The following MIGA2 variants were observed in gnomAD, a reference collection of about 807,000 sequenced individuals.
The protein encoded by MIGA2 is mitoguardin 2, also known as family with sequence similarity 73, member B.
In MIGA2, 36 loss-of-function variants were observed where a neutral mutation model predicts 69.9. That is an observed-to-expected ratio of 0.52 (90% CI 0.39 to 0.68). MIGA2 has a LOEUF of 0.68. MIGA2 is among the 30% of genes least tolerant of loss of function. The pLI is 0.00. For missense variants in MIGA2, 660 were observed against 787.7 expected (o/e 0.84, Z 1.94); for synonymous variants, 333 against 349.2 (o/e 0.95, Z 0.52).
At chr9:129,064,369 G>C (rs1417790859) in intron 11 of MIGA2, among the ~76,000 whole-genome samples, 1 of 151,974 alleles carries the variant, frequency 6.6e-6, no homozygotes, top group Non-Finnish European at 1.5e-5. Flanking sequence ...ACCGTGCCCG[G>C]CTAATTTTTT....
At chr9:129,053,840 C>T (rs113234234) in intron 6 of MIGA2, among the ~76,000 whole-genome samples, 1 of 150,572 alleles carries the variant, frequency 6.6e-6, no homozygotes, top group African/African-American at 2.4e-5. Context: ...AAAATTTTTT[C>T]TTGAGACGGG....
chr9:129,062,529 C>CT (rs1401023269), intron 9 of MIGA2, among the ~76,000 whole-genome samples: 1 of 127,970 alleles, frequency 7.8e-6, no homozygotes, highest in East Asian at 2.3e-4. Flanking sequence ...GAGACTCCAT[C>CT]TCAAAAAAAA....
At chr9:129,048,252 G>A (rs1845335129) in intron 3 of MIGA2, among the ~76,000 whole-genome samples, 175 bp from the exon 4 acceptor site, 1 of 152,170 alleles carries the variant, frequency 6.6e-6, no homozygotes, top group Admixed American at 6.6e-5. Context: ...GGACATGGAG[G>A]GCCCCGCGCT....
chr9:129,069,149 G>C lies in MIGA2; in HGVS notation c.1458+20G>C, dbSNP rs370748222. The C allele has an allele frequency of 4.6e-5, 74 of 1,613,438 alleles. No homozygotes were observed. The East Asian group carries it at 1.2e-3, about 25-fold the overall frequency. On this transcript the variant is annotated intron_variant, in intron 14 of 15. Coordinates refer to ENST00000684074, the MANE Select transcript of MIGA2 (RefSeq NM_001329990.2). The surrounding 1 kb of genome is among the most constrained non-coding windows in gnomAD (Gnocchi z 4.9). ...CTGATGGTGAGTGACTGGCAGGCCC[G>C]GGGGAGCACGAGCTGGGCTCTGAGG...
chr9:129,062,556 A>T (rs1202472007), intron 9 of MIGA2, among the ~76,000 whole-genome samples: 1 of 150,346 alleles, frequency 6.7e-6, no homozygotes, highest in African/African-American at 2.5e-5. Flanking sequence ...AAAAGCAAAA[A>T]AACTGGGCCA....
chr9:129,042,654 AT>A, intron 3 of MIGA2, 140 bp downstream of exon 3: 2 of 862,036 alleles, frequency 2.3e-6, no homozygotes, highest in South Asian at 1.6e-5. Context: ...TGTGAGCGGG[AT>A]GACAGTAGCG....
chr9:129,067,438 T>A (rs1253127606), intron 11 of MIGA2: 1 of 290,908 alleles, frequency 3.4e-6, no homozygotes, highest in African/African-American at 2.2e-5. Context: ...CCTTTCCTGT[T>A]GAGGTCCAAG....
intron 1 of MIGA2, among the ~76,000 whole-genome samples, chr9:129,037,971 A>G (rs1215870451): frequency 1.3e-5 from 2 of 152,140 alleles, no homozygotes; most frequent in East Asian, 1.9e-4. Flanking sequence ...ACTGGACCCA[A>G]AGCCTGTCGT....
At position 129,042,248 on chromosome 9, in the gene MIGA2, C is replaced by T; in HGVS notation, c.97-56C>T. The T allele has an allele frequency of 5.1e-6, 8 of 1,579,110 alleles. No homozygotes were observed. In the South Asian group the frequency reaches 9.0e-5, roughly 18 times the overall value. On this transcript the variant is annotated intron_variant, in intron 2 of 15. Coordinates refer to ENST00000684074, the MANE Select transcript of MIGA2 (RefSeq NM_001329990.2). ...CCTGAGGTGCTCTGGGGCGGTCCTG[C>T]TGCCTTGGACCTTCCCCAGGGAGGT...
intron 11 of MIGA2, among the ~76,000 whole-genome samples, chr9:129,064,724 C>T (rs1478692485): frequency 6.6e-6 from 1 of 151,842 alleles, no homozygotes; most frequent in African/African-American, 2.4e-5. Context: ...ACCAGACTTG[C>T]TGCCTGATCT....
rs905082205 is a variant in MIGA2 at position 129,059,063 on chromosome 9, C to T, written c.676-91C>T. ...TAGCTGCTGGGTCCTAGAGCTCCTC[C>T]CCTTTCCCCAGGGACCTGGGGGTGA... On this transcript the variant is annotated intron_variant, in intron 6 of 15. Coordinates refer to ENST00000684074, the MANE Select transcript of MIGA2 (RefSeq NM_001329990.2). The surrounding 1 kb of genome is among the most constrained non-coding windows in gnomAD (Gnocchi z 5.6). 5.4e-5 allele frequency: 63 copies of T among 1,157,710 alleles called. No homozygotes were observed. Among genetic ancestry groups the T allele is most frequent in the Non-Finnish European group, 6.9e-5 (54 of 780,270 alleles). 71.7% of individuals were successfully genotyped at this position (1,157,710 alleles called of 1,614,324 possible).
chr9:129,052,789 C>G (rs1475569962), intron 6 of MIGA2, among the ~76,000 whole-genome samples: 1 of 152,082 alleles, frequency 6.6e-6, no homozygotes, highest in African/African-American at 2.4e-5. Flanking sequence ...GCTCTCTGTC[C>G]CTGCTGGGGC....
chr9:129,063,201 G>A, intron 9 of MIGA2, 43 bp from the exon 10 acceptor site: 1 of 1,609,872 alleles, frequency 6.2e-7, no homozygotes. Context: ...GGGCATCGCT[G>A]GGCAGGGACC....
intron 3 of MIGA2, among the ~76,000 whole-genome samples, chr9:129,042,907 G>T (rs866281195): frequency 6.6e-5 from 10 of 152,094 alleles, no homozygotes; most frequent in Admixed American, 3.3e-4. Context: ...TAAAAATTGA[G>T]GTTTAGGCCG....
chr9:129,053,702 T>C (rs1845663093), intron 6 of MIGA2, among the ~76,000 whole-genome samples: 2 of 152,152 alleles, frequency 1.3e-5, no homozygotes, highest in South Asian at 4.1e-4. Flanking sequence ...TATTGAAATA[T>C]AGGCTGGGCA....
At chr9:129,066,177 T>C (rs1846330426) in intron 11 of MIGA2, among the ~76,000 whole-genome samples, 1 of 152,152 alleles carries the variant, frequency 6.6e-6, no homozygotes, top group East Asian at 1.9e-4. Context: ...GAAGGCGGCT[T>C]GTCCAGGGTA....
chr9:129,046,889 C>T (rs1446212538), intron 3 of MIGA2, among the ~76,000 whole-genome samples: 1 of 152,088 alleles, frequency 6.6e-6, no homozygotes, highest in Non-Finnish European at 1.5e-5. Flanking sequence ...AGCGATTCTC[C>T]TGCCTCATCC....
Position 129,040,572 on chromosome 9 carries a change from T to C in MIGA2, c.-23T>C, listed in dbSNP as rs1207678605. On this transcript the variant is annotated 5_prime_UTR_variant, in exon 2 of 16. Transcript: ENST00000684074. ...TTGGAAGCTCTTGGCCCTGAGGACT[T>C]TGCCTGGGGCATTGGCCCTGCCATG... The C allele has an allele frequency of 1.2e-6, 2 of 1,603,208 alleles. No individual in the cohort carries two copies. Among genetic ancestry groups the C allele is most frequent in the Admixed American group, 3.4e-5 (2 of 59,334 alleles).
rs1369431111 is a variant in MIGA2, at chr9:129,040,540, G to A, written c.-55G>A. ...ACCCAGCTGGCAACCAGTTGAAGAC[G>A]TTCTCCTTGGAAGCTCTTGGCCCTG... On this transcript the variant is annotated 5_prime_UTR_variant, in exon 2 of 16. Coordinates refer to ENST00000684074, the MANE Select transcript of MIGA2 (RefSeq NM_001329990.2). 1.0e-5 allele frequency: 16 copies of A among 1,568,418 alleles called. No homozygotes were observed. The highest frequency in any genetic ancestry group is 1.7e-4 in the Middle Eastern group (1 of 5,914).
Sources: allele counts gnomAD v4.1 joint callset (sites outside exome capture counted in the v4.1 genomes callset), GRCh38; gene constraint gnomAD v4.1.1; non-coding constraint Gnocchi (gnomAD v3.1); transcripts MANE v1.5; gene names NCBI Gene and HGNC (gene_info 2026-07-23, HGNC 2026-07-21).